Variants in SNAP91 observed in about 807,000 individuals in gnomAD.
The protein encoded by SNAP91 is synaptosome associated protein 91.
Under a neutral mutation model 100.3 loss-of-function variants are expected in SNAP91, and 27 were observed. The ratio of observed to expected loss-of-function variants is 0.27; its 90% CI spans 0.20 to 0.37. SNAP91 has a LOEUF of 0.37. Among genes scored for constraint, SNAP91 ranks in the 10% least tolerant of loss-of-function variants. The pLI, the probability that SNAP91 is intolerant of heterozygous loss-of-function variation, is 1.00. For synonymous variants in SNAP91, 404 were observed against 398.6 expected (o/e 1.01, Z -0.16); for missense variants, 986 against 1,123.7 (o/e 0.88, Z 1.75).
At chr6:83,587,770 A>AT (rs1377700653) in intron 22 of SNAP91, among the ~76,000 whole-genome samples, 5 of 151,082 alleles carry the variant, frequency 3.3e-5, no homozygotes, top group East Asian at 1.9e-4. Context: ...TTCATTTTTT[A>AT]TTTTTTTGTT....
chr6:83,686,175 T>C (rs994895301), intron 2 of SNAP91: 6 of 985,314 alleles, frequency 6.1e-6, no homozygotes, highest in African/African-American at 1.7e-5. Context: ...CAATCAACAC[T>C]GTTTTTTGTT....
At chr6:83,560,390 A>G (rs915101572) in intron 27 of SNAP91, among the ~76,000 whole-genome samples, 182 bp from the exon 28 acceptor site, 4 of 152,210 alleles carry the variant, frequency 2.6e-5, no homozygotes, top group African/African-American at 9.7e-5. Flanking sequence ...GAGAGTCGCT[A>G]AGGTGGGTGG....
intron 2 of SNAP91, among the ~76,000 whole-genome samples, chr6:83,704,628 A>G (rs749485702): frequency 3.6e-4 from 54 of 152,076 alleles, no homozygotes; most frequent in Non-Finnish European, 6.9e-4. Flanking sequence ...TATCATTTAA[A>G]CCAGTACCTT....
chr6:83,616,832 T>C, intron 10 of SNAP91, 137 bp downstream of exon 10: 2 of 564,742 alleles, frequency 3.5e-6, no homozygotes, highest in South Asian at 5.1e-5. Context: ...GAGTAGGGGT[T>C]CTGAGGGAGC....
At chr6:83,695,214 T>G (rs964589548) in intron 2 of SNAP91, among the ~76,000 whole-genome samples, 1 of 133,584 alleles carries the variant, frequency 7.5e-6, no homozygotes, top group African/African-American at 2.9e-5. Flanking sequence ...GAGGCAGAGG[T>G]TGCAATGAAC....
rs762340206 is a variant in SNAP91, at chr6:83,659,067, C to G, written c.478G>C (p.Ala160Pro). The change falls in exon 6 of 30, where the codon GCT becomes CCT. Residue 160 changes from alanine to proline, a missense_variant. Around this residue, in one of 4 missense-constraint regions of SNAP91, gnomAD observed 330 missense variants for 447.5 expected, o/e 0.74. Coordinates refer to ENST00000369694, the MANE Select transcript of SNAP91 (RefSeq NM_001242792.2). ...KGADGVMRTM[A>P]PEKLLKSMPI... ...ATACTCTTTAGCAGCTTTTCGGGAG[C>G]CATTGTCCTCATTACACCATCGGCC... 14 of 1,602,834 alleles carry G rather than the reference C, an allele frequency of 8.7e-6. No homozygotes were observed. The highest frequency in any genetic ancestry group is 1.2e-5 in the Non-Finnish European group (14 of 1,174,794).
Position 83,659,117 on chromosome 6 carries a change from T to G in SNAP91, c.453-25A>C, listed in dbSNP as rs1433098690. The G allele has an allele frequency of 3.7e-6, 5 of 1,345,458 alleles. No individual in the cohort carries two copies. In the African/African-American group the frequency reaches 7.3e-5, roughly 20 times the overall value. 83.3% of individuals were successfully genotyped at this position (1,345,458 alleles called of 1,614,324 possible). A position where few individuals can be genotyped will look rare whatever the true frequency, so the allele number is the denominator to read the frequency against. ...CCTACAATTAAAAAAAAAAAAAAGG[T>G]ACAATTTCATTGGATATGGACAATT... On this transcript the variant is annotated intron_variant, in intron 5 of 29. Transcript: ENST00000369694.
intron 2 of SNAP91, among the ~76,000 whole-genome samples, chr6:83,697,324 G>GCACACACACACACA (rs57251608): frequency 8.7e-5 from 12 of 138,062 alleles, no homozygotes; most frequent in Admixed American, 3.0e-4. Context: ...GAAAATAGCT[G>GCACACACACACACA]CACACACACA....
At chr6:83,593,082 A>G (rs1301377737) in intron 19 of SNAP91, 65 bp from the exon 20 acceptor site, 3 of 1,533,152 alleles carry the variant, frequency 2.0e-6, no homozygotes, top group Non-Finnish European at 2.7e-6. Flanking sequence ...AATCAAAGTC[A>G]AAAATCTAAC....
intron 17 of SNAP91, among the ~76,000 whole-genome samples, 185 bp downstream of exon 17, chr6:83,594,189 A>G (rs916828182): frequency 6.6e-6 from 1 of 152,238 alleles, no homozygotes; most frequent in African/African-American, 2.4e-5. Flanking sequence ...GAAATTGTCA[A>G]TTTTGATAAG....
In SNAP91 at chr6:83,669,993, T is replaced by C. The variant is rs9353133; in HGVS notation, c.131-4412A>G. 5.9e-3 allele frequency among the ~76,000 whole-genome samples: 891 copies of C among 152,094 alleles called. 39 individuals are homozygous for C. The East Asian group carries it at 0.12, about 21-fold the overall frequency. On this transcript the variant is annotated intron_variant, in intron 2 of 29. Coordinates refer to ENST00000369694, the MANE Select transcript of SNAP91 (RefSeq NM_001242792.2). ...TATTTATACGGACATATGCCTTCAT[T>C]TCTCTTGGGTAATTTTCTAGAAGTA...
chr6:83,651,759 C>A (rs2098217172), intron 7 of SNAP91, among the ~76,000 whole-genome samples: 1 of 152,062 alleles, frequency 6.6e-6, no homozygotes, highest in Admixed American at 6.6e-5. Flanking sequence ...TCCATTATAT[C>A]TAGTTGATGG....
At position 83,601,320 on chromosome 6, in the gene SNAP91, G is replaced by A. The variant is rs1364897983; in HGVS notation, c.1275C>T (p.Ser425=). The part of the protein sequence containing the change: ...AEIATASASA[S]TTTTVTAVTA... Reference sequence around the variant, plus strand: ...TGACAGCAGTAACAGTTGTAGTAGTGGAGGCAGAAGCTGAGGCAGTTGCAA... The same window carrying A: ...TGACAGCAGTAACAGTTGTAGTAGTAGAGGCAGAAGCTGAGGCAGTTGCAA... The change falls in exon 16 of 30, where the codon TCC becomes TCT. Residue 425 remains serine (S), a synonymous_variant. Coordinates refer to ENST00000369694, the MANE Select transcript of SNAP91 (RefSeq NM_001242792.2). The A allele has an allele frequency of 6.2e-6, 10 of 1,613,434 alleles. No individual in the cohort carries two copies. Among genetic ancestry groups the A allele is most frequent in the Non-Finnish European group, 8.5e-6 (10 of 1,179,716 alleles).
rs59074986 is a variant in SNAP91, at chr6:83,606,785, C to G, written c.1022+914G>C. 4.8e-3 allele frequency among the ~76,000 whole-genome samples: 733 copies of G among 152,228 alleles called. 3 individuals are homozygous for G. The highest frequency in any genetic ancestry group is 0.017 in the African/African-American group (697 of 41,544). On this transcript the variant is annotated intron_variant, in intron 13 of 29. Coordinates refer to ENST00000369694, the MANE Select transcript of SNAP91 (RefSeq NM_001242792.2). The stretch of plus-strand genomic sequence containing the variant: ...AGTTTCAAAACCACTGAAACCATTG[C>G]TAGTTTTGATGTCCATTTCATAAAT...
intron 26 of SNAP91, among the ~76,000 whole-genome samples, chr6:83,568,432 C>T (rs933215137): frequency 6.6e-6 from 1 of 151,652 alleles, no homozygotes; most frequent in Non-Finnish European, 1.5e-5. Flanking sequence ...CAACATGGCA[C>T]ATGTATACAT....
At chr6:83,558,331 G>T (rs905461962) in intron 28 of SNAP91, among the ~76,000 whole-genome samples, 1 of 152,106 alleles carries the variant, frequency 6.6e-6, no homozygotes, top group Non-Finnish European at 1.5e-5. Context: ...TAGAATTTAA[G>T]TATATCTAAG....
chr6:83,587,738 T>G (rs1025737215), intron 22 of SNAP91, among the ~76,000 whole-genome samples: 5 of 152,194 alleles, frequency 3.3e-5, no homozygotes, highest in African/African-American at 1.2e-4. Context: ...GGTTTTATAT[T>G]GCGTTTATTA....
intron 22 of SNAP91, among the ~76,000 whole-genome samples, chr6:83,590,936 A>G (rs973604348): frequency 6.6e-6 from 1 of 151,898 alleles, no homozygotes; most frequent in African/African-American, 2.4e-5. Context: ...TTTAAAAACA[A>G]TTTCAATTTT....
chr6:83,557,872 G>A (rs955299400), intron 28 of SNAP91, among the ~76,000 whole-genome samples: 3 of 151,556 alleles, frequency 2.0e-5, no homozygotes, highest in African/African-American at 7.3e-5. Flanking sequence ...CCAGGCATCA[G>A]TAATAAAAAA....
Sources: allele counts gnomAD v4.1 joint callset (sites outside exome capture counted in the v4.1 genomes callset), GRCh38; gene constraint gnomAD v4.1.1; regional missense constraint gnomAD v4.1.1; transcripts MANE v1.5; gene names NCBI Gene and HGNC (gene_info 2026-07-23, HGNC 2026-07-21).